UBE2K: variants seen among roughly 807,000 people sequenced by gnomAD.
UBE2K encodes ubiquitin conjugating enzyme E2 K, also known as ubiquitin-conjugating enzyme E2 K.
Under a neutral mutation model 30.0 loss-of-function variants are expected in UBE2K, and 6 were observed. The ratio of observed to expected loss-of-function variants is 0.20; its 90% CI spans 0.11 to 0.39. The LOEUF is 0.39. Among genes scored for constraint, UBE2K ranks in the 10% least tolerant of loss-of-function variants. UBE2K has a pLI of 1.00. For missense variants in UBE2K, 61 were observed against 241.6 expected (o/e 0.25, Z 4.96); for synonymous variants, 86 against 83.7 (o/e 1.03, Z -0.15).
At chr4:39,724,724 G>A (rs1239269730) in intron 1 of UBE2K, among the ~76,000 whole-genome samples, 1 of 151,562 alleles carries the variant, frequency 6.6e-6, no homozygotes, top group Non-Finnish European at 1.5e-5. Flanking sequence ...GAGCTGAGAT[G>A]GCGCCACTGC....
intron 3 of UBE2K, among the ~76,000 whole-genome samples, chr4:39,746,150 A>C (rs1255131560): frequency 6.6e-6 from 1 of 152,116 alleles, no homozygotes; most frequent in African/African-American, 2.4e-5. Context: ...GACTCAAAGA[A>C]GTATGTGTTT....
chr4:39,764,956 G>C (rs1420943955), intron 4 of UBE2K, among the ~76,000 whole-genome samples: 1 of 151,112 alleles, frequency 6.6e-6, no homozygotes, highest in South Asian at 2.1e-4. Context: ...GCGCGATCTC[G>C]GCTGACTGTA....
In UBE2K at chr4:39,782,035, T is replaced by C. The variant is rs1010784584; in HGVS notation, c.*3601T>C. The C allele has an allele frequency of 2.5e-6, 1 of 398,088 alleles. No homozygotes were observed. Among genetic ancestry groups the C allele is most frequent in the Admixed American group, 4.4e-5 (1 of 22,706 alleles). The allele number at this position is 398,088 out of a possible 1,614,324, so 24.7% of individuals were successfully genotyped here. Reference sequence around the variant, plus strand: ...CTGCTGCAATATAGATCAAAGATCTTGTGGCATAGGGGTAGGGGAGTGTTA... The same window carrying C: ...CTGCTGCAATATAGATCAAAGATCTCGTGGCATAGGGGTAGGGGAGTGTTA... On this transcript the variant is annotated 3_prime_UTR_variant, in exon 7 of 7. Coordinates refer to ENST00000261427, the MANE Select transcript of UBE2K (RefSeq NM_005339.5).
chr4:39,702,231 C>CTTTTTTTTTTTTTTTTTTTTTTT (rs564712672), intron 1 of UBE2K, among the ~76,000 whole-genome samples: 6 of 67,384 alleles, frequency 8.9e-5, no homozygotes, highest in East Asian at 3.9e-4. Context: ...CTTTTCTTTT[C>CTTTTTTTTTTTTTTTTTTTTTTT]TTTTTTTTTT....
intron 5 of UBE2K, among the ~76,000 whole-genome samples, chr4:39,775,338 G>A (rs1360548686): frequency 6.6e-6 from 1 of 152,140 alleles, no homozygotes; most frequent in Non-Finnish European, 1.5e-5. Context: ...AGTTTCCAAT[G>A]ACCTTGTAAT....
chr4:39,717,900 T>C (rs1030932808), intron 1 of UBE2K, among the ~76,000 whole-genome samples: 4 of 145,932 alleles, frequency 2.7e-5, no homozygotes, highest in Non-Finnish European at 5.9e-5. Context: ...TCTGGAGTTG[T>C]TCGTTCCTCC....
chr4:39,727,503 G>A (rs1355435474), intron 1 of UBE2K, among the ~76,000 whole-genome samples: 3 of 151,838 alleles, frequency 2.0e-5, no homozygotes, highest in African/African-American at 7.3e-5. Context: ...CTGGGACTAT[G>A]GCCATGCACC....
intron 3 of UBE2K, among the ~76,000 whole-genome samples, chr4:39,752,727 G>A (rs1721334675): frequency 6.6e-6 from 1 of 152,082 alleles, no homozygotes; most frequent in Non-Finnish European, 1.5e-5. Flanking sequence ...AGTAAATAGA[G>A]GTTGATTATT....
At chr4:39,706,525 TC>T (rs1171904992) in intron 1 of UBE2K, among the ~76,000 whole-genome samples, 1 of 148,532 alleles carries the variant, frequency 6.7e-6, no homozygotes, top group Non-Finnish European at 1.5e-5. Context: ...CTGGCTGGAG[TC>T]CAGTAGCATG....
chr4:39,770,406 A>G, intron 4 of UBE2K: 7 of 1,613,008 alleles, frequency 4.3e-6, no homozygotes, highest in Non-Finnish European at 4.2e-6. Flanking sequence ...CTGCTGCCGC[A>G]TGTGGAAGAC....
Position 39,698,189 on chromosome 4 carries a change from G to A in UBE2K, c.-139G>A, listed in dbSNP as rs570050308. 1.2e-5 allele frequency: 10 copies of A among 836,832 alleles called. No homozygotes were observed. The East Asian group carries it at 2.4e-4, about 20-fold the overall frequency. 51.8% of individuals were successfully genotyped at this position (836,832 alleles called of 1,614,324 possible). On this transcript the variant is annotated 5_prime_UTR_variant, in exon 1 of 7. Transcript: ENST00000261427. ...ATTCCACACTGAGGCGAGCGCGGCG[G>A]CCGGGGTGGTAGTGGCAGTGTTCGT...
chr4:39,770,638 GGCTAT>G, intron 4 of UBE2K: 1 of 1,597,348 alleles, frequency 6.3e-7, no homozygotes, highest in Non-Finnish European at 8.5e-7. Flanking sequence ...TTCTCCGACA[GGCTAT>G]AGCAGGCCTT....
intron 4 of UBE2K, among the ~76,000 whole-genome samples, chr4:39,760,792 A>T (rs1266498310): frequency 1.3e-5 from 2 of 151,868 alleles, no homozygotes; most frequent in African/African-American, 4.9e-5. Context: ...AATTAAAATT[A>T]AAAAAAATTA....
At chr4:39,777,566 A>C in intron 5 of UBE2K, 116 bp from the exon 6 acceptor site, 6 of 1,036,342 alleles carry the variant, frequency 5.8e-6, no homozygotes, top group African/African-American at 1.7e-5. Flanking sequence ...AGTGAATCAC[A>C]TTTTAAATGT....
chr4:39,740,459 G>C (rs10015357), intron 2 of UBE2K, among the ~76,000 whole-genome samples: 1 of 151,232 alleles, frequency 6.6e-6, no homozygotes, highest in South Asian at 2.1e-4. Context: ...GGAGAATGGC[G>C]TGAACCCCGG....
chr4:39,703,060 C>G (rs564138271), intron 1 of UBE2K, among the ~76,000 whole-genome samples: 36 of 152,210 alleles, frequency 2.4e-4, no homozygotes, highest in African/African-American at 7.7e-4. Flanking sequence ...GTGGCACGAT[C>G]TCAGCTCACT....
rs990804475 is a variant in UBE2K, at chr4:39,760,558, G to T, written c.299+4819G>T. The stretch of plus-strand genomic sequence containing the variant: ...AGACACAAAAGAATACATACTGTAT[G>T]GTTCAATTTTTATGAAATTGAAGAT... On this transcript the variant is annotated intron_variant, in intron 4 of 6. Transcript: ENST00000261427. 9.9e-5 allele frequency among the ~76,000 whole-genome samples: 15 copies of T among 152,250 alleles called. 1 individual carries two copies. The South Asian group carries it at 3.1e-3, about 32-fold the overall frequency.
chr4:39,706,761 A>C (rs1250846377), intron 1 of UBE2K, among the ~76,000 whole-genome samples: 2 of 152,010 alleles, frequency 1.3e-5, no homozygotes, highest in Non-Finnish European at 2.9e-5. Flanking sequence ...TTCCCAGTGA[A>C]TACATTATTA....
chr4:39,713,190 T>G (rs576877872), intron 1 of UBE2K, among the ~76,000 whole-genome samples: 2 of 152,112 alleles, frequency 1.3e-5, no homozygotes, highest in East Asian at 3.9e-4. Context: ...ACTGCTTTTT[T>G]AAAAATTGGA....
Sources: allele counts gnomAD v4.1 joint callset (sites outside exome capture counted in the v4.1 genomes callset), GRCh38; gene constraint gnomAD v4.1.1; transcripts MANE v1.5; gene names NCBI Gene and HGNC (gene_info 2026-07-23, HGNC 2026-07-21).